WDR89: variants seen among roughly 807,000 people sequenced by gnomAD.
WDR89 encodes WD repeat-containing protein 89.
WDR89 carries 17 observed loss-of-function variants against 29.1 expected under a neutral mutation model. That is an observed-to-expected ratio of 0.58 (90% CI 0.40 to 0.88). The LOEUF (loss-of-function observed/expected upper bound fraction) is 0.88, where lower values mean the gene tolerates loss of function less well. WDR89 is among the 40% of genes least tolerant of loss of function. The probability of loss-of-function intolerance (pLI) is 0.00; values close to 1 mark genes in which losing one functional copy is unlikely to be tolerated. For synonymous variants in WDR89, 138 were observed against 157.8 expected (o/e 0.87, Z 0.94); for missense variants, 396 against 456.3 (o/e 0.87, Z 1.20).
At chr14:63,633,197 T>G (rs1206293412) in intron 1 of WDR89, among the ~76,000 whole-genome samples, 2 of 152,056 alleles carry the variant, frequency 1.3e-5, no homozygotes, top group Admixed American at 6.6e-5. Context: ...TAAACTAGTA[T>G]TTGACAGGAT....
intron 1 of WDR89, among the ~76,000 whole-genome samples, chr14:63,640,715 A>T (rs570821085): frequency 1.3e-5 from 2 of 150,358 alleles, no homozygotes; most frequent in East Asian, 4.0e-4. Flanking sequence ...TGACCTCGTG[A>T]TCCGCCCGCC....
chr14:63,611,839 G>A (rs1205506822), intron 2 of WDR89, among the ~76,000 whole-genome samples: 2 of 151,896 alleles, frequency 1.3e-5, no homozygotes, highest in Non-Finnish European at 2.9e-5. Context: ...CAACTCTCCT[G>A]ACTCAGCCTC....
At chr14:63,606,803 T>C (rs1261998683) in intron 2 of WDR89, among the ~76,000 whole-genome samples, 1 of 152,230 alleles carries the variant, frequency 6.6e-6, no homozygotes, top group Non-Finnish European at 1.5e-5. Context: ...CAGATATTAT[T>C]ATCACTATTT....
intron 1 of WDR89, among the ~76,000 whole-genome samples, chr14:63,630,097 G>A (rs1370143383): frequency 6.6e-6 from 1 of 151,944 alleles, no homozygotes; most frequent in Non-Finnish European, 1.5e-5. Flanking sequence ...ATAGGCATAT[G>A]CCACCATGCC....
intron 2 of WDR89, among the ~76,000 whole-genome samples, chr14:63,624,478 AC>A (rs1882907623): frequency 6.6e-6 from 1 of 150,572 alleles, no homozygotes; most frequent in Non-Finnish European, 1.5e-5. Flanking sequence ...AAAAAAAAAA[AC>A]CACAACAAAA....
At chr14:63,624,710 G>A (rs1438315215) in intron 2 of WDR89, among the ~76,000 whole-genome samples, 2 of 152,000 alleles carry the variant, frequency 1.3e-5, no homozygotes, top group African/African-American at 2.4e-5. Context: ...TAAGCACGAG[G>A]AGCCCAATAA....
intron 2 of WDR89, among the ~76,000 whole-genome samples, chr14:63,621,469 G>A (rs1488249042): frequency 3.9e-5 from 6 of 151,988 alleles, no homozygotes; most frequent in Non-Finnish European, 7.4e-5. Context: ...ATGGTGGCAG[G>A]CACCTGTAAT....
In WDR89 at chr14:63,599,758, A is replaced by T. The variant is rs759875833; in HGVS notation, c.185T>A (p.Val62Glu). ...IRIYDKERLN[V>E]LREFSGYPGL... ...AGGATATCCACTAAATTCTCGTAGT[A>T]CATTTAACCTTTCTTTATCATATAT... Residue 62 changes from valine to glutamate, a missense_variant, in exon 3 of 3, where the codon GTA becomes GAA. By Grantham distance (121) the Val-to-Glu change is moderately radical. Coordinates refer to ENST00000620954, the MANE Select transcript of WDR89 (RefSeq NM_080666.4). 16 of 1,614,068 alleles carry T rather than the reference A, an allele frequency of 9.9e-6. No homozygotes were observed. Among genetic ancestry groups the T allele is most frequent in the Non-Finnish European group, 1.3e-5 (15 of 1,180,036 alleles).
At chr14:63,615,924 TAA>T (rs113469632) in intron 2 of WDR89, among the ~76,000 whole-genome samples, 83 of 132,518 alleles carry the variant, frequency 6.3e-4, no homozygotes, top group Non-Finnish European at 5.2e-4. Context: ...ACCCTGTCTT[TAA>T]AAAAAAAAAA....
chr14:63,599,539 T>A lies in WDR89; in HGVS notation c.404A>T (p.Glu135Val). ...CNDHIICAGT[E>V]KVDDDALLVF... ...CAACAATGCATCATCATCAACTTTT[T>A]CTGTACCAGCACAAATAATATGATC... Residue 135 changes from glutamate to valine, a missense_variant, in exon 3 of 3, where the codon GAA becomes GTA. Transcript: ENST00000620954. 6.2e-7 allele frequency: 1 copy of A among 1,614,184 alleles called. No homozygotes were observed. Among genetic ancestry groups the A allele is most frequent in the East Asian group, 2.2e-5 (1 of 44,876 alleles).
chr14:63,622,622 C>T (rs890458563), intron 2 of WDR89, among the ~76,000 whole-genome samples: 3 of 151,892 alleles, frequency 2.0e-5, no homozygotes, highest in Admixed American at 1.3e-4. Context: ...CCAAAAGTAG[C>T]CAGGCATGGT....
At chr14:63,606,905 A>G (rs963980859) in intron 2 of WDR89, among the ~76,000 whole-genome samples, 1 of 152,214 alleles carries the variant, frequency 6.6e-6, no homozygotes, top group Non-Finnish European at 1.5e-5. Flanking sequence ...TTGAAATTCA[A>G]GTTGTAACTT....
Position 63,598,716 on chromosome 14 carries a change from G to A in WDR89, c.*63C>T, listed in dbSNP as rs999702309. ...AAAGCTTTAAACATGTCTACCATGG[G>A]TAGTAAACAAGAAGGACTATTTGAA... On this transcript the variant is annotated 3_prime_UTR_variant, in exon 3 of 3. Coordinates refer to ENST00000620954, the MANE Select transcript of WDR89 (RefSeq NM_080666.4). 3.4e-5 allele frequency: 47 copies of A among 1,396,378 alleles called. No homozygotes were observed. Among genetic ancestry groups the A allele is most frequent in the Non-Finnish European group, 4.4e-5 (46 of 1,046,622 alleles). 86.5% of individuals were successfully genotyped at this position (1,396,378 alleles called of 1,614,324 possible). A position where few individuals can be genotyped will look rare whatever the true frequency, so the allele number is the denominator to read the frequency against.
intron 2 of WDR89, among the ~76,000 whole-genome samples, chr14:63,624,454 T>C (rs1222168422): frequency 7.5e-6 from 1 of 133,978 alleles, no homozygotes; most frequent in East Asian, 2.1e-4. Flanking sequence ...GGTCACAGAG[T>C]GAGACCCTGT....
chr14:63,607,976 G>C (rs1566791508), intron 2 of WDR89, among the ~76,000 whole-genome samples: 1 of 151,962 alleles, frequency 6.6e-6, no homozygotes, highest in Non-Finnish European at 1.5e-5. Flanking sequence ...GGGAGGCCAA[G>C]GCGGGCAGAT....
At chr14:63,625,900 C>T (rs751597482) in intron 1 of WDR89, among the ~76,000 whole-genome samples, 1 of 150,700 alleles carries the variant, frequency 6.6e-6, no homozygotes, top group African/African-American at 2.5e-5. Flanking sequence ...TGTCACCAGG[C>T]TCGAGAGCAG....
chr14:63,610,092 C>T (rs1294195200), intron 2 of WDR89, among the ~76,000 whole-genome samples: 2 of 151,834 alleles, frequency 1.3e-5, no homozygotes, highest in Non-Finnish European at 2.9e-5. Flanking sequence ...CAGTGGCTCA[C>T]GCCTGTAATC....
chr14:63,608,453 A>G (rs995354294), intron 2 of WDR89, among the ~76,000 whole-genome samples: 62 of 152,344 alleles, frequency 4.1e-4, no homozygotes, highest in African/African-American at 1.4e-3. Context: ...TAATGTATTT[A>G]TATTTTTGAA....
intron 1 of WDR89, among the ~76,000 whole-genome samples, chr14:63,638,785 C>T (rs986082047): frequency 7.9e-5 from 12 of 152,122 alleles, no homozygotes; most frequent in African/African-American, 2.9e-4. Context: ...TCTTATAGTC[C>T]CTGTGAGACT....
Sources: gnomAD v4.1 joint callset for allele counts (sites outside exome capture counted in the v4.1 genomes callset) on GRCh38, gnomAD v4.1.1 for gene constraint, MANE v1.5 for transcripts, NCBI Gene and HGNC (gene_info 2026-07-23, HGNC 2026-07-21) for gene names.